FRMD6: variants seen among roughly 807,000 people sequenced by gnomAD.
FRMD6 encodes the protein FERM domain-containing protein 6.
Under a neutral mutation model 73.2 loss-of-function variants are expected in FRMD6, and 37 were observed. The ratio of observed to expected loss-of-function variants is 0.51; its 90% confidence interval spans 0.39 to 0.66. The LOEUF (loss-of-function observed/expected upper bound fraction) is 0.66, where lower values mean the gene tolerates loss of function less well. Among genes scored for constraint, FRMD6 ranks in the 30% least tolerant of loss-of-function variants. The pLI is 0.00. For synonymous variants in FRMD6, 273 were observed against 282.2 expected, an observed-to-expected ratio of 0.97 and a Z score of 0.33; for missense variants, 714 against 780.5, an observed-to-expected ratio of 0.91 and a Z score of 1.02.
chr14:51,504,991 C>G (rs972444544), intron 1 of FRMD6, among the ~76,000 whole-genome samples: 6 of 152,270 alleles, frequency 3.9e-5, no homozygotes, highest in African/African-American at 1.4e-4. Flanking sequence ...TACATCTGGC[C>G]CTTGGGAAAG....
the FRMD6 span, among the ~76,000 whole-genome samples, chr14:51,432,987 T>A: frequency 6.6e-6 from 1 of 152,198 alleles, no homozygotes; most frequent in Admixed American, 6.5e-5. Context: ...TCACTCATAA[T>A]TAGAGGAATA....
the FRMD6 span, among the ~76,000 whole-genome samples, chr14:51,428,680 G>A: frequency 6.6e-6 from 1 of 152,068 alleles, no homozygotes; most frequent in Admixed American, 6.5e-5. Context: ...TAGAGGATGG[G>A]CTACAGCAGA....
chr14:51,453,707 A>G, the FRMD6 span, among the ~76,000 whole-genome samples: 2 of 152,164 alleles, frequency 1.3e-5, no homozygotes, highest in African/African-American at 2.4e-5. Context: ...ACACACAGAC[A>G]CACTCACCCC....
At chr14:51,453,956 C>G in the FRMD6 span, among the ~76,000 whole-genome samples, 1 of 152,196 alleles carries the variant, frequency 6.6e-6, no homozygotes. Flanking sequence ...ACTGGAGACA[C>G]ATGCTTTAAG....
the FRMD6 span, among the ~76,000 whole-genome samples, chr14:51,452,904 C>T: frequency 6.6e-6 from 1 of 152,142 alleles, no homozygotes; most frequent in East Asian, 1.9e-4. Context: ...GACGATGTCT[C>T]ATCATCGGTA....
chr14:51,541,514 G>T (rs1234155520), intron 1 of FRMD6, among the ~76,000 whole-genome samples: 1 of 152,036 alleles, frequency 6.6e-6, no homozygotes, highest in South Asian at 2.1e-4. Flanking sequence ...ATTCAATGGC[G>T]GGGTAGGGTA....
intron 1 of FRMD6, among the ~76,000 whole-genome samples, chr14:51,528,791 G>A (rs1358013581): frequency 6.6e-6 from 1 of 152,188 alleles, no homozygotes; most frequent in Admixed American, 6.5e-5. Flanking sequence ...ATTGAACCAT[G>A]TCCGTGCAGA....
intron 7 of FRMD6, among the ~76,000 whole-genome samples, chr14:51,709,403 C>T (rs1594768127): frequency 6.6e-6 from 1 of 152,174 alleles, no homozygotes; most frequent in African/African-American, 2.4e-5. Context: ...GCTGCTGTTA[C>T]CATTACCATT....
At chr14:51,526,265 G>A (rs1032098918) in intron 1 of FRMD6, among the ~76,000 whole-genome samples, 14 of 152,116 alleles carry the variant, frequency 9.2e-5, no homozygotes, top group Non-Finnish European at 1.9e-4. Context: ...ACTGTCCCCA[G>A]ATCATGTCTC....
intron 1 of FRMD6, among the ~76,000 whole-genome samples, chr14:51,540,628 A>T (rs1224347894): frequency 6.6e-6 from 1 of 152,090 alleles, no homozygotes; most frequent in Non-Finnish European, 1.5e-5. Context: ...AAGTAAGCTC[A>T]CTTCCTGTGT....
At chr14:51,608,633 C>T (rs1031733046) in intron 2 of FRMD6, among the ~76,000 whole-genome samples, 34 of 152,238 alleles carry the variant, frequency 2.2e-4, no homozygotes, top group Non-Finnish European at 3.2e-4. Context: ...TTTATTCCCC[C>T]TAGCCTGGAT....
the FRMD6 span, among the ~76,000 whole-genome samples, chr14:51,432,561 C>G: frequency 6.6e-6 from 1 of 152,134 alleles, no homozygotes; most frequent in Non-Finnish European, 1.5e-5. Flanking sequence ...TGTGAAGATA[C>G]CCAGGGCCCA....
At chr14:51,679,731 ACTT>A (rs1256798971) in intron 1 of FRMD6, among the ~76,000 whole-genome samples, 1 of 152,046 alleles carries the variant, frequency 6.6e-6, no homozygotes, top group Non-Finnish European at 1.5e-5. Context: ...GATCCCCATC[ACTT>A]CTTTTATGGG....
intron 1 of FRMD6, among the ~76,000 whole-genome samples, chr14:51,495,775 A>C (rs1883259205): frequency 6.6e-6 from 1 of 152,242 alleles, no homozygotes; most frequent in South Asian, 2.1e-4. Context: ...GAGGAAATGC[A>C]TGGGACAAAT....
intron 1 of FRMD6, among the ~76,000 whole-genome samples, chr14:51,666,805 A>G (rs1893627468): frequency 6.6e-6 from 1 of 152,210 alleles, no homozygotes. Context: ...CTGTTTAAAT[A>G]AGTAAACAAA....
At chr14:51,662,315 T>C (rs559665371) in intron 1 of FRMD6, among the ~76,000 whole-genome samples, 39 of 151,996 alleles carry the variant, frequency 2.6e-4, no homozygotes, top group Non-Finnish European at 5.2e-4. Flanking sequence ...CAAATTCACA[T>C]GGGACCAAAA....
At chr14:51,418,626 G>A in the FRMD6 span, among the ~76,000 whole-genome samples, 1,401 of 152,314 alleles carry the variant, frequency 9.2e-3, 22 homozygotes, top group African/African-American at 0.032. Context: ...TAGGCTACAC[G>A]GGGGTCACGG....
intron 2 of FRMD6, among the ~76,000 whole-genome samples, chr14:51,601,340 G>A (rs1890029200): frequency 6.6e-6 from 1 of 152,204 alleles, no homozygotes; most frequent in South Asian, 2.1e-4. Flanking sequence ...GGTGTAGGAT[G>A]TGATTTTTAG....
chr14:51,685,732 C>G (rs1265950135), intron 1 of FRMD6, among the ~76,000 whole-genome samples: 2 of 152,080 alleles, frequency 1.3e-5, no homozygotes, highest in Non-Finnish European at 2.9e-5. Flanking sequence ...TCTTAGAAAT[C>G]GGGACAATAT....
Sources: allele counts gnomAD v4.1 joint callset (sites outside exome capture counted in the v4.1 genomes callset), GRCh38; gene constraint gnomAD v4.1.1; transcripts MANE v1.5; gene names NCBI Gene and HGNC (gene_info 2026-07-23, HGNC 2026-07-21).